SASH1: variants seen among roughly 807,000 people sequenced by gnomAD.
SASH1 encodes the protein SAM and SH3 domain containing 1.
Under a neutral mutation model 125.2 loss-of-function variants are expected in SASH1, and 44 were observed. The observed-to-expected ratio is 0.35, with a 90% CI of 0.28 to 0.45. The LOEUF (loss-of-function observed/expected upper bound fraction) is 0.45, where lower values mean the gene tolerates loss of function less well. SASH1 is among the 20% of genes least tolerant of loss of function. The probability of loss-of-function intolerance (pLI) is 1.00; values close to 1 mark genes in which losing one functional copy is unlikely to be tolerated. For missense variants in SASH1, 1,426 were observed against 1,614.5 expected (o/e 0.88, Z 2.00); for synonymous variants, 639 against 649.1 (o/e 0.98, Z 0.24).
intron 1 of SASH1, among the ~76,000 whole-genome samples, chr6:148,388,846 C>T (rs747623043): frequency 1.3e-5 from 2 of 151,930 alleles, no homozygotes; most frequent in Non-Finnish European, 2.9e-5. Context: ...GGCTAGCAGT[C>T]TGTAAAATGG....
intron 8 of SASH1, among the ~76,000 whole-genome samples, chr6:148,499,057 G>GTTTTTTTT (rs4052628): frequency 2.4e-5 from 3 of 127,082 alleles, no homozygotes; most frequent in African/African-American, 5.6e-5. Context: ...TCTTTTTTTT[G>GTTTTTTTT]TTTTTTTTTT....
At chr6:148,443,610 G>C (rs939217781) in intron 4 of SASH1, among the ~76,000 whole-genome samples, 9 of 149,900 alleles carry the variant, frequency 6.0e-5, no homozygotes, top group African/African-American at 2.2e-4. Flanking sequence ...CATGATTCTT[G>C]CCTGAATCAG....
the SASH1 span, among the ~76,000 whole-genome samples, chr6:148,252,853 A>G: frequency 6.6e-6 from 1 of 152,166 alleles, no homozygotes; most frequent in African/African-American, 2.4e-5. Flanking sequence ...TATTTGGAAC[A>G]CTATGAGAGC....
chr6:148,516,723 GAAC>G (rs1780463063), intron 9 of SASH1, among the ~76,000 whole-genome samples: 1 of 149,846 alleles, frequency 6.7e-6, no homozygotes, highest in African/African-American at 2.5e-5. Flanking sequence ...CGAAAATGAG[GAAC>G]CTGAGACTCA....
intron 2 of SASH1, among the ~76,000 whole-genome samples, chr6:148,421,504 A>C (rs891849879): frequency 1.3e-5 from 2 of 152,222 alleles, no homozygotes; most frequent in Non-Finnish European, 2.9e-5. Context: ...TGGTTTGACC[A>C]TGTTGGCCAG....
At chr6:148,440,467 C>T (rs9498038) in intron 4 of SASH1, 60 bp downstream of exon 4, 16 of 1,418,598 alleles carry the variant, frequency 1.1e-5, no homozygotes, top group Non-Finnish European at 1.6e-5. Flanking sequence ...TAGGTCCATG[C>T]TGACGGAAAT....
At chr6:148,348,107 A>G (rs1008173673) in intron 1 of SASH1, among the ~76,000 whole-genome samples, 5 of 152,070 alleles carry the variant, frequency 3.3e-5, no homozygotes, top group African/African-American at 1.2e-4. Context: ...CCCGAGTTCA[A>G]GCGATTCTCC....
At chr6:148,508,620 G>A in intron 8 of SASH1, 2 of 1,150,880 alleles carry the variant, frequency 1.7e-6, no homozygotes, top group African/African-American at 1.6e-5. Context: ...GCAAGCGACT[G>A]GGGAATCAGT....
the SASH1 span, among the ~76,000 whole-genome samples, chr6:148,219,081 A>G: frequency 6.6e-6 from 1 of 152,158 alleles, no homozygotes; most frequent in African/African-American, 2.4e-5. Context: ...TTATAGGAAC[A>G]GTGTTCAAAA....
At chr6:148,398,230 T>C (rs1221701906) in intron 2 of SASH1, among the ~76,000 whole-genome samples, 1 of 152,236 alleles carries the variant, frequency 6.6e-6, no homozygotes, top group East Asian at 1.9e-4. Context: ...TTCCGATTCA[T>C]TCCTATTCAC....
intron 8 of SASH1, among the ~76,000 whole-genome samples, chr6:148,498,238 A>AC (rs201266889): frequency 5.7e-5 from 6 of 104,380 alleles, no homozygotes; most frequent in Non-Finnish European, 6.4e-5. Flanking sequence ...AACAAACAAA[A>AC]AAAAAAAAAC....
chr6:148,503,096 C>T (rs187261889), intron 8 of SASH1, among the ~76,000 whole-genome samples: 86 of 152,268 alleles, frequency 5.6e-4, no homozygotes, highest in Non-Finnish European at 6.8e-4. Flanking sequence ...TCAGTGCATT[C>T]ATTCATTTGT....
At chr6:148,251,888 T>G in the SASH1 span, among the ~76,000 whole-genome samples, 2 of 137,606 alleles carry the variant, frequency 1.5e-5, no homozygotes, top group Non-Finnish European at 3.1e-5. Flanking sequence ...TGTGTCCATG[T>G]GTTCTCATTG....
chr6:148,251,095 T>C, the SASH1 span, among the ~76,000 whole-genome samples: 1 of 152,172 alleles, frequency 6.6e-6, no homozygotes. Context: ...TAGGCCCCTA[T>C]AATAATTGCT....
intron 4 of SASH1, among the ~76,000 whole-genome samples, chr6:148,446,102 T>TTTTTTTTTTCTTTTTTTTC (rs1776761940): frequency 2.5e-4 from 3 of 11,956 alleles, no homozygotes; most frequent in East Asian, 2.5e-3. Context: ...TTTTTTTTTT[T>TTTTTTTTTTCTTTTTTTTC]TTTTTTTTTT....
intron 2 of SASH1, among the ~76,000 whole-genome samples, chr6:148,424,278 C>T (rs1468163036): frequency 6.6e-6 from 1 of 150,650 alleles, no homozygotes; most frequent in South Asian, 2.1e-4. Flanking sequence ...CTCGCTCTGT[C>T]ACCCAGGCTG....
At position 148,487,613 on chromosome 6, in the gene SASH1, G is replaced by A. The variant is rs1419275584; in HGVS notation, c.628-1G>A. 6.2e-7 allele frequency: 1 copy of A among 1,611,038 alleles called. No individual in the cohort carries two copies. Among genetic ancestry groups the A allele is most frequent in the Non-Finnish European group, 8.5e-7 (1 of 1,178,042 alleles). On this transcript the variant is annotated splice_acceptor_variant, in intron 7 of 19. Transcript: ENST00000367467. LOFTEE classifies it high-confidence loss of function. ...TCAGTATCCATTTCTTCTTGTTACAGCTCAAGGAATACGAGGCCCAGCACC... is the reference window on the plus strand; with the variant it reads ...TCAGTATCCATTTCTTCTTGTTACAACTCAAGGAATACGAGGCCCAGCACC...
chr6:148,503,984 A>G (rs1779666325), intron 8 of SASH1, among the ~76,000 whole-genome samples: 1 of 152,218 alleles, frequency 6.6e-6, no homozygotes, highest in Non-Finnish European at 1.5e-5. Context: ...AAATGCTACT[A>G]ACATACAGAT....
intron 1 of SASH1, among the ~76,000 whole-genome samples, chr6:148,309,385 T>C (rs1320051457): frequency 6.6e-6 from 1 of 152,172 alleles, no homozygotes; most frequent in Admixed American, 6.5e-5. Flanking sequence ...CATGAAGGGC[T>C]TGCCTGCACT....
Sources: allele counts gnomAD v4.1 joint callset (sites outside exome capture counted in the v4.1 genomes callset), GRCh38; gene constraint gnomAD v4.1.1; transcripts MANE v1.5; gene names NCBI Gene and HGNC (gene_info 2026-07-23, HGNC 2026-07-21).